The following KLHDC4 variants were observed in gnomAD, a reference collection of about 807,000 sequenced individuals.
The protein encoded by KLHDC4 is kelch domain containing 4, also known as kelch domain-containing protein 4.
Under a neutral mutation model 62.4 loss-of-function variants are expected in KLHDC4, and 90 were observed. The ratio of observed to expected loss-of-function variants is 1.44; its 90% CI spans 1.22 to 1.72. The LOEUF (loss-of-function observed/expected upper bound fraction) is 1.72, where lower values mean the gene tolerates loss of function less well. Among genes scored for constraint, KLHDC4 ranks in the 40% most tolerant of loss-of-function variants. KLHDC4 has a pLI of 0.00. For synonymous variants in KLHDC4, 386 were observed against 284.4 expected (o/e 1.36, Z -3.59); for missense variants, 1,025 against 699.7 (o/e 1.47, Z -5.25).
intron 5 of KLHDC4, among the ~76,000 whole-genome samples, chr16:87,731,845 G>C (rs953570971): frequency 9.9e-5 from 15 of 152,206 alleles, no homozygotes; most frequent in Non-Finnish European, 1.5e-4. Flanking sequence ...CCACATGGGG[G>C]AGGACTTCTC....
At chr16:87,708,832 C>G (rs571610350) in intron 10 of KLHDC4, among the ~76,000 whole-genome samples, 1 of 152,374 alleles carries the variant, frequency 6.6e-6, no homozygotes, top group Admixed American at 6.5e-5. Context: ...AGTCTCAGAT[C>G]TTTAAAAACT....
chr16:87,713,480 G>A (rs2036296519), intron 8 of KLHDC4, among the ~76,000 whole-genome samples: 1 of 152,140 alleles, frequency 6.6e-6, no homozygotes, highest in Non-Finnish European at 1.5e-5. Context: ...TTATAGGTAT[G>A]AGCCACTGCG....
rs1429826962 is a variant in KLHDC4 at position 87,709,263 on chromosome 16, A to C, written c.1447+2T>G. On this transcript the variant is annotated splice_donor_variant, in intron 10 of 11. Transcript: ENST00000270583. LOFTEE classifies it high-confidence loss of function. ...ACGGAGGCACCAAGCTGCCTGGCTC[A>C]CCTGGGTCCATCTCCACCAAGGCCT... 1 of 1,605,440 alleles carries C rather than the reference A, an allele frequency of 6.2e-7. No individual in the cohort carries two copies. The highest frequency in any genetic ancestry group is 1.1e-5 in the South Asian group (1 of 90,960).
intron 1 of KLHDC4, among the ~76,000 whole-genome samples, chr16:87,762,457 G>T (rs2046028775): frequency 6.6e-6 from 1 of 152,174 alleles, no homozygotes; most frequent in African/African-American, 2.4e-5. Flanking sequence ...CTTCACTGCA[G>T]ACACCCTCAG....
At chr16:87,757,487 A>G (rs2045160746) in intron 2 of KLHDC4, 2 of 151,182 alleles carry the variant, frequency 1.3e-5, no homozygotes, top group South Asian at 2.1e-4. Context: ...AAAAAAGTCC[A>G]TATGTAAGTA....
intron 7 of KLHDC4, among the ~76,000 whole-genome samples, chr16:87,716,404 A>T (rs192349777): frequency 2.4e-4 from 37 of 152,170 alleles, no homozygotes; most frequent in African/African-American, 8.9e-4. Flanking sequence ...CTCTATCACT[A>T]CCCATCTTTG....
At chr16:87,725,595 A>G (rs533089015) in intron 7 of KLHDC4, among the ~76,000 whole-genome samples, 1 of 152,220 alleles carries the variant, frequency 6.6e-6, no homozygotes, top group Non-Finnish European at 1.5e-5. Flanking sequence ...CTACAGTGAG[A>G]TACTACTTCA....
rs1162541282 is a variant in KLHDC4 at position 87,765,057 on chromosome 16, G to A, written c.99+735C>T. On this transcript the variant is annotated intron_variant, in intron 1 of 11. Transcript: ENST00000270583. The stretch of plus-strand genomic sequence containing the variant: ...TGTCAAATGGGAATACCAGTGCTAC[G>A]GAACTGACCTGCTCGTGAGGAGTAA... 6.6e-6 allele frequency: 3 copies of A among 452,426 alleles called. No homozygotes were observed. The Admixed American group carries it at 7.1e-5, about 11-fold the overall frequency. 28.0% of individuals were successfully genotyped at this position (452,426 alleles called of 1,614,324 possible).
intron 4 of KLHDC4, among the ~76,000 whole-genome samples, chr16:87,751,176 T>A (rs1260606069): frequency 6.6e-6 from 1 of 152,200 alleles, no homozygotes; most frequent in African/African-American, 2.4e-5. Context: ...GTGAAATAGA[T>A]GCATAGAAAT....
intron 6 of KLHDC4, among the ~76,000 whole-genome samples, chr16:87,730,233 C>T (rs2040101025): frequency 6.6e-6 from 1 of 152,216 alleles, no homozygotes; most frequent in South Asian, 2.1e-4. Flanking sequence ...GGATTATAGG[C>T]GTGAGGCACC....
At chr16:87,761,462 T>A (rs1391856086) in intron 2 of KLHDC4, among the ~76,000 whole-genome samples, 1 of 152,220 alleles carries the variant, frequency 6.6e-6, no homozygotes, top group Admixed American at 6.5e-5. Flanking sequence ...ATCCCACACG[T>A]GTATGAAATC....
chr16:87,763,997 A>G (rs886737098), intron 1 of KLHDC4, among the ~76,000 whole-genome samples: 4 of 152,236 alleles, frequency 2.6e-5, no homozygotes, highest in African/African-American at 9.6e-5. Context: ...AGCTGGAAAG[A>G]CAGGCAGAGG....
chr16:87,714,923 G>A (rs181587297), intron 7 of KLHDC4, among the ~76,000 whole-genome samples: 170 of 152,288 alleles, frequency 1.1e-3, no homozygotes, highest in Middle Eastern at 6.8e-3. Context: ...TCCTGATCCC[G>A]GTGGATCCCC....
At position 87,709,574 on chromosome 16, in the gene KLHDC4, C is replaced by A. The variant is rs750331640; in HGVS notation, c.1138G>T (p.Gly380Trp). ...RPACGGAGTQ[G>W]PVQLVKEVVA... ...ACCTCCTTGACCAGCTGCACAGGCC[C>A]CTGGGTGCCAGCTCCCCCACACGCC... Residue 380 changes from glycine to tryptophan, a missense_variant, in exon 10 of 12, where the codon GGG becomes TGG. Coordinates refer to ENST00000270583, the MANE Select transcript of KLHDC4 (RefSeq NM_017566.4). The A allele has an allele frequency of 2.5e-6, 4 of 1,612,960 alleles. No individual in the cohort carries two copies. Among genetic ancestry groups the A allele is most frequent in the Non-Finnish European group, 3.4e-6 (4 of 1,179,956 alleles).
chr16:87,762,512 C>T (rs1414332374), intron 1 of KLHDC4, among the ~76,000 whole-genome samples: 1 of 152,232 alleles, frequency 6.6e-6, no homozygotes, highest in African/African-American at 2.4e-5. Context: ...TGCCTGCCTT[C>T]CTGTCTGCTG....
intron 8 of KLHDC4, among the ~76,000 whole-genome samples, chr16:87,714,242 G>A (rs977801442): frequency 1.3e-5 from 2 of 152,222 alleles, no homozygotes; most frequent in Non-Finnish European, 2.9e-5. Context: ...ACAGAGGGCT[G>A]TCTGCAGGGT....
At chr16:87,722,555 C>T (rs1237836726) in intron 7 of KLHDC4, among the ~76,000 whole-genome samples, 1 of 152,244 alleles carries the variant, frequency 6.6e-6, no homozygotes, top group Non-Finnish European at 1.5e-5. Flanking sequence ...ACTGTCCAGG[C>T]ACCAGGCACG....
At chr16:87,735,341 C>A (rs1173936038) in intron 5 of KLHDC4, among the ~76,000 whole-genome samples, 3 of 151,686 alleles carry the variant, frequency 2.0e-5, no homozygotes, top group Admixed American at 6.6e-5. Context: ...ACCAGTGTGT[C>A]TGCATCCAAG....
At chr16:87,737,222 C>T (rs981232057) in intron 5 of KLHDC4, among the ~76,000 whole-genome samples, 1 of 151,598 alleles carries the variant, frequency 6.6e-6, no homozygotes, top group African/African-American at 2.4e-5. Context: ...GCTGTCAACA[C>T]TGATTAAGAC....
Sources: gnomAD v4.1 joint callset for allele counts (sites outside exome capture counted in the v4.1 genomes callset) on GRCh38, gnomAD v4.1.1 for gene constraint, MANE v1.5 for transcripts, NCBI Gene and HGNC (gene_info 2026-07-23, HGNC 2026-07-21) for gene names.